NRF1: variants seen among roughly 807,000 people sequenced by gnomAD.
NRF1 encodes the protein nuclear respiratory factor 1.
A neutral mutation model predicts 58.5 loss-of-function variants in NRF1; 5 were observed. The ratio of observed to expected loss-of-function variants is 0.09; its 90% CI spans 0.04 to 0.18. The LOEUF (loss-of-function observed/expected upper bound fraction) is 0.18. NRF1 is among the 10% of genes least tolerant of loss of function. NRF1 has a pLI of 1.00. For missense variants in NRF1, 288 were observed against 657.7 expected (o/e 0.44, Z 6.15); for synonymous variants, 224 against 246.7 (o/e 0.91, Z 0.86).
At chr7:129,663,687 C>T (rs913111191) in intron 2 of NRF1, among the ~76,000 whole-genome samples, 12 of 151,538 alleles carry the variant, frequency 7.9e-5, no homozygotes, top group East Asian at 2.0e-4. Context: ...AGACGATGGG[C>T]GGCCAGGCAG....
intron 9 of NRF1, among the ~76,000 whole-genome samples, chr7:129,721,544 C>T (rs1325264458): frequency 1.3e-5 from 2 of 150,088 alleles, no homozygotes; most frequent in African/African-American, 2.5e-5. Context: ...TGCAGTGGCG[C>T]GATCTCGGCT....
intron 9 of NRF1, among the ~76,000 whole-genome samples, chr7:129,726,717 A>T (rs1262145920): frequency 2.0e-5 from 3 of 152,210 alleles, no homozygotes. Context: ...ACTATAAATC[A>T]AATTAATATT....
chr7:129,693,684 C>T lies in NRF1; in HGVS notation c.606+3138C>T, dbSNP rs73159631. On this transcript the variant is annotated intron_variant, in intron 5 of 10. Transcript: ENST00000393232. The stretch of plus-strand genomic sequence containing the variant: ...TAAACTTTTCTTTACTGTCTTTTTA[C>T]AGTTTCTATTATTCTGTTTCTAGAG... Among the ~76,000 whole-genome samples, 36 of 152,228 alleles carry T rather than the reference C, an allele frequency of 2.4e-4. 1 individual carries two copies. Among genetic ancestry groups the T allele is most frequent in the Non-Finnish European group, 4.9e-4 (33 of 68,034 alleles).
intron 1 of NRF1, among the ~76,000 whole-genome samples, chr7:129,649,532 T>C (rs1305519058): frequency 1.3e-5 from 2 of 152,224 alleles, no homozygotes; most frequent in African/African-American, 2.4e-5. Flanking sequence ...TGGATTAGAC[T>C]AAATTTAACT....
chr7:129,739,123 A>C (rs1344311510), intron 10 of NRF1, among the ~76,000 whole-genome samples: 1 of 152,200 alleles, frequency 6.6e-6, no homozygotes, highest in Non-Finnish European at 1.5e-5. Flanking sequence ...CTAACATCTA[A>C]ATCTGTACTG....
At chr7:129,677,312 T>G (rs1171674925) in intron 3 of NRF1, among the ~76,000 whole-genome samples, 2 of 152,184 alleles carry the variant, frequency 1.3e-5, no homozygotes, top group African/African-American at 4.8e-5. Flanking sequence ...CCACCATGCC[T>G]GGCCAGTTGT....
At chr7:129,699,948 A>T (rs894640574) in intron 5 of NRF1, among the ~76,000 whole-genome samples, 1 of 146,702 alleles carries the variant, frequency 6.8e-6, no homozygotes, top group Non-Finnish European at 1.5e-5. Flanking sequence ...GACCAGCCTG[A>T]CCAACATAGT....
chr7:129,709,125 G>T lies in NRF1; in HGVS notation c.657G>T (p.Arg219=), dbSNP rs201264014. 6.3e-7 allele frequency: 1 copy of T among 1,597,898 alleles called. No homozygotes were observed. Among genetic ancestry groups the T allele is most frequent in the African/African-American group, 1.3e-5 (1 of 74,326 alleles). The change falls in exon 6 of 11, where the codon CGG becomes CGT. Residue 219 remains arginine (R), a synonymous_variant. Transcript: ENST00000393232. The part of the protein sequence containing the change: ...IPEMLKYSTG[R]GKPGWGKESC... ...AGATGCTCAAGTACTCTACAGGTCG[G>T]GGAAAACCAGGCTGGGGGAAAGAAA...
At chr7:129,695,330 A>C (rs1246008774) in intron 5 of NRF1, among the ~76,000 whole-genome samples, 1 of 152,038 alleles carries the variant, frequency 6.6e-6, no homozygotes, top group South Asian at 2.1e-4. Context: ...TAATCACAGC[A>C]CTTTGAGAGG....
intron 1 of NRF1, among the ~76,000 whole-genome samples, chr7:129,635,499 C>T (rs975615865): frequency 1.3e-5 from 2 of 152,098 alleles, no homozygotes; most frequent in African/African-American, 4.8e-5. Flanking sequence ...TGCATTTGTA[C>T]ATACCCCCAG....
At chr7:129,692,662 A>G (rs1245115918) in intron 5 of NRF1, among the ~76,000 whole-genome samples, 1 of 152,182 alleles carries the variant, frequency 6.6e-6, no homozygotes, top group Non-Finnish European at 1.5e-5. Flanking sequence ...CACTATTCCT[A>G]GAATCAAATT....
intron 10 of NRF1, among the ~76,000 whole-genome samples, chr7:129,742,108 C>T (rs1426932714): frequency 6.6e-6 from 1 of 152,002 alleles, no homozygotes; most frequent in Non-Finnish European, 1.5e-5. Flanking sequence ...CTCTTTTCTC[C>T]TCCTATTGGT....
intron 9 of NRF1, among the ~76,000 whole-genome samples, chr7:129,719,543 C>CACACACACA (rs1255895761): frequency 9.9e-5 from 14 of 142,054 alleles, no homozygotes; most frequent in Non-Finnish European, 4.6e-5. Context: ...CACACACACA[C>CACACACACA]AACACATCTT....
At chr7:129,714,408 AGG>A in intron 8 of NRF1, among the ~76,000 whole-genome samples, 1 of 152,318 alleles carries the variant, frequency 6.6e-6, no homozygotes, top group Non-Finnish European at 1.5e-5. Context: ...ACTGAAATAG[AGG>A]GGCAGATCAG....
chr7:129,750,983 G>A (rs1804101696), intron 10 of NRF1, among the ~76,000 whole-genome samples: 1 of 152,204 alleles, frequency 6.6e-6, no homozygotes, highest in Non-Finnish European at 1.5e-5. Flanking sequence ...CAAAGATGGA[G>A]ACTTAATTCC....
At chr7:129,663,420 C>T (rs1290805952) in intron 2 of NRF1, among the ~76,000 whole-genome samples, 14 of 142,670 alleles carry the variant, frequency 9.8e-5, no homozygotes, top group South Asian at 2.3e-4. Flanking sequence ...GACGGGGTGG[C>T]GGCCGGGCAG....
intron 2 of NRF1, among the ~76,000 whole-genome samples, chr7:129,671,209 C>A (rs1802040801): frequency 6.6e-6 from 1 of 152,128 alleles, no homozygotes; most frequent in Non-Finnish European, 1.5e-5. Context: ...AGGTGTAAGT[C>A]ATTTGCTTTT....
chr7:129,754,045 G>A (rs1035677618), intron 10 of NRF1, among the ~76,000 whole-genome samples: 4 of 152,124 alleles, frequency 2.6e-5, no homozygotes, highest in Non-Finnish European at 4.4e-5. Flanking sequence ...CACACCTGAC[G>A]GGCCTGTGCT....
At chr7:129,694,180 CAAATA>C (rs972155955) in intron 5 of NRF1, among the ~76,000 whole-genome samples, 5 of 151,974 alleles carry the variant, frequency 3.3e-5, no homozygotes, top group Non-Finnish European at 5.9e-5. Context: ...TCAACCATAA[CAAATA>C]AAATAAAACA....
Sources: allele counts gnomAD v4.1 joint callset (sites outside exome capture counted in the v4.1 genomes callset), GRCh38; gene constraint gnomAD v4.1.1; transcripts MANE v1.5; gene names NCBI Gene and HGNC (gene_info 2026-07-23, HGNC 2026-07-21).